GRIA4: variants seen among roughly 807,000 people sequenced by gnomAD.
GRIA4 encodes the protein glutamate ionotropic receptor AMPA type subunit 4.
GRIA4 carries 34 observed loss-of-function variants against 104.0 expected under a neutral mutation model. The ratio of observed to expected loss-of-function variants is 0.33; its 90% confidence interval spans 0.25 to 0.44. GRIA4 has a LOEUF of 0.44. Among genes scored for constraint, GRIA4 ranks in the 20% least tolerant of loss-of-function variants. The probability of loss-of-function intolerance (pLI) is 1.00; values close to 1 mark genes in which losing one functional copy is unlikely to be tolerated. For missense variants in GRIA4, 750 were observed against 1,096.5 expected, an observed-to-expected ratio of 0.68 and a Z score of 4.46; for synonymous variants, 386 against 381.9, an observed-to-expected ratio of 1.01 and a Z score of -0.13.
chr11:105,622,844 C>T (rs1015275364), intron 3 of GRIA4, among the ~76,000 whole-genome samples: 2 of 151,632 alleles, frequency 1.3e-5, no homozygotes. Context: ...CTCTAACCCC[C>T]CCATTATTCA....
intron 4 of GRIA4, among the ~76,000 whole-genome samples, chr11:105,850,569 T>C (rs1304037417): frequency 2.6e-5 from 4 of 152,174 alleles, no homozygotes; most frequent in Non-Finnish European, 5.9e-5. Flanking sequence ...TAGTGTGTCC[T>C]GAGCAGTGCC....
chr11:105,949,726 G>A (rs903602006), intron 14 of GRIA4, among the ~76,000 whole-genome samples: 2 of 152,162 alleles, frequency 1.3e-5, no homozygotes, highest in Non-Finnish European at 2.9e-5. Context: ...GAAAGGCTAA[G>A]AGAAGGGAAA....
chr11:105,672,153 T>C (rs942599276), intron 3 of GRIA4, among the ~76,000 whole-genome samples: 4 of 152,176 alleles, frequency 2.6e-5, no homozygotes, highest in Non-Finnish European at 5.9e-5. Flanking sequence ...TGAAAGGTTA[T>C]AAAAATAAAT....
intron 3 of GRIA4, among the ~76,000 whole-genome samples, chr11:105,680,048 C>T (rs1157011123): frequency 3.9e-5 from 6 of 152,182 alleles, no homozygotes; most frequent in Non-Finnish European, 8.8e-5. Flanking sequence ...GATCAATCAC[C>T]CTAGCCAGCA....
chr11:105,852,718 A>T (rs1453376092), intron 4 of GRIA4, among the ~76,000 whole-genome samples: 2 of 152,178 alleles, frequency 1.3e-5, no homozygotes, highest in Non-Finnish European at 2.9e-5. Context: ...TCTCAGTAGG[A>T]TATAAAAATT....
At chr11:105,855,102 GC>G (rs1441593979) in intron 4 of GRIA4, among the ~76,000 whole-genome samples, 1 of 152,070 alleles carries the variant, frequency 6.6e-6, no homozygotes, top group Non-Finnish European at 1.5e-5. Context: ...CTGCCTCTGT[GC>G]CTTTGCTTTA....
Position 105,806,000 on chromosome 11 carries a change from G to A in GRIA4, c.487+52780G>A, listed in dbSNP as rs143520084. The stretch of plus-strand genomic sequence containing the variant: ...ACCAAAGCAATCTGTAATTGCAGAA[G>A]AGAAATTCAAAGCTAGCCTGATTTT... On this transcript the variant is annotated intron_variant, in intron 4 of 16. Coordinates refer to ENST00000282499, the MANE Select transcript of GRIA4 (RefSeq NM_000829.4). 2.6e-3 allele frequency among the ~76,000 whole-genome samples: 398 copies of A among 151,986 alleles called. 3 individuals are homozygous for A. The highest frequency in any genetic ancestry group is 9.2e-3 in the African/African-American group (382 of 41,542).
At chr11:105,776,268 CTAT>C (rs1314603764) in intron 4 of GRIA4, among the ~76,000 whole-genome samples, 1 of 152,052 alleles carries the variant, frequency 6.6e-6, no homozygotes, top group Non-Finnish European at 1.5e-5. Context: ...ATTTATTACA[CTAT>C]TATTTATGGC....
Position 105,948,697 on chromosome 11 carries a change from C to T in GRIA4, c.2294+14728C>T, listed in dbSNP as rs181835929. ...CTTGGCTCACTGCAACCTCCGCCTC[C>T]CGGGTGCAAGCGACTCTCCTGCCTC... On this transcript the variant is annotated intron_variant, in intron 14 of 16. Coordinates refer to ENST00000282499, the MANE Select transcript of GRIA4 (RefSeq NM_000829.4). Among the ~76,000 whole-genome samples the T allele has an allele frequency of 2.5e-3, 368 of 150,150 alleles. 2 individuals carry two copies. Among genetic ancestry groups the T allele is most frequent in the African/African-American group, 8.6e-3 (353 of 40,814 alleles).
chr11:105,901,000 T>A (rs1203939151), intron 7 of GRIA4, among the ~76,000 whole-genome samples: 2 of 152,150 alleles, frequency 1.3e-5, no homozygotes, highest in Non-Finnish European at 2.9e-5. Context: ...TTCCCCCTTG[T>A]AATCTCCATA....
At chr11:105,848,869 C>T (rs1944692633) in intron 4 of GRIA4, among the ~76,000 whole-genome samples, 1 of 152,004 alleles carries the variant, frequency 6.6e-6, no homozygotes, top group South Asian at 2.1e-4. Context: ...ATGGCAGAGA[C>T]TAGGGCCTTT....
At chr11:105,790,568 C>A (rs140340660) in intron 4 of GRIA4, among the ~76,000 whole-genome samples, 2,938 of 152,258 alleles carry the variant, frequency 0.019, 41 homozygotes, top group Middle Eastern at 0.037. Flanking sequence ...CATGAAGCAT[C>A]CCAAATGTAA....
intron 8 of GRIA4, among the ~76,000 whole-genome samples, chr11:105,904,984 C>G (rs1182025297): frequency 6.6e-6 from 1 of 152,112 alleles, no homozygotes; most frequent in Non-Finnish European, 1.5e-5. Context: ...AAACATATTC[C>G]TCTTCCAGGG....
chr11:105,772,305 C>T (rs1941245637), intron 4 of GRIA4, among the ~76,000 whole-genome samples: 1 of 152,152 alleles, frequency 6.6e-6, no homozygotes, highest in South Asian at 2.1e-4. Context: ...AATGTCGTGA[C>T]ATTACAAGAA....
At chr11:105,610,883 T>TTTTG in intron 1 of GRIA4, 25 bp from the exon 2 acceptor site, 7 of 472,910 alleles carry the variant, frequency 1.5e-5, no homozygotes, top group East Asian at 3.4e-5. Context: ...TTTTTTTTTT[T>TTTTG]TTTTTTGGTT....
chr11:105,975,934 A>G (rs553669997), intron 16 of GRIA4, among the ~76,000 whole-genome samples: 1 of 152,226 alleles, frequency 6.6e-6, no homozygotes, highest in African/African-American at 2.4e-5. Context: ...ATTTTGTGAA[A>G]AAGAATTAAG....
chr11:105,774,806 T>C (rs748364680), intron 4 of GRIA4, among the ~76,000 whole-genome samples: 4 of 152,160 alleles, frequency 2.6e-5, no homozygotes, highest in African/African-American at 4.8e-5. Context: ...CATTTGGTTA[T>C]TTGAAAAAAT....
chr11:105,948,597 T>TTTTTTTTTTTTTTTTTTTTTTTTTTTTG (rs1948383174), intron 14 of GRIA4, among the ~76,000 whole-genome samples: 1 of 36,414 alleles, frequency 2.7e-5, no homozygotes, highest in Non-Finnish European at 5.0e-5. Context: ...TTCTTTTTGT[T>TTTTTTTTTTTTTTTTTTTTTTTTTTTTG]TTTTTTTTTT....
At chr11:105,828,328 A>G (rs1477804396) in intron 4 of GRIA4, among the ~76,000 whole-genome samples, 2 of 151,996 alleles carry the variant, frequency 1.3e-5, no homozygotes, top group Non-Finnish European at 2.9e-5. Context: ...CCGGAAAGAC[A>G]TTTAAAGGTG....
Sources: gnomAD v4.1 joint callset for allele counts (sites outside exome capture counted in the v4.1 genomes callset) on GRCh38, gnomAD v4.1.1 for gene constraint, MANE v1.5 for transcripts, NCBI Gene and HGNC (gene_info 2026-07-23, HGNC 2026-07-21) for gene names.